The following RBM47 variants were observed in gnomAD, a reference collection of about 807,000 sequenced individuals.
RBM47 encodes the protein RNA-binding protein 47.
A neutral mutation model predicts 47.1 loss-of-function variants in RBM47; 21 were observed. That is an observed-to-expected ratio of 0.45 (90% CI 0.32 to 0.64). The LOEUF is 0.64. Ranked by LOEUF, RBM47 falls within the 30% of genes least tolerant of loss-of-function variation. RBM47 has a pLI of 0.05. For missense variants in RBM47, 708 were observed against 870.9 expected, an observed-to-expected ratio of 0.81 and a Z score of 2.35; for synonymous variants, 375 against 361.7, an observed-to-expected ratio of 1.04 and a Z score of -0.42.
intron 3 of RBM47, among the ~76,000 whole-genome samples, chr4:40,466,305 G>A (rs1461077663): frequency 7.1e-6 from 1 of 140,880 alleles, no homozygotes; most frequent in Non-Finnish European, 1.6e-5. Context: ...AAATACAGTT[G>A]ACCTCTTTTT....
At chr4:40,611,547 C>T (rs969904657) in intron 1 of RBM47, among the ~76,000 whole-genome samples, 1 of 150,202 alleles carries the variant, frequency 6.7e-6, no homozygotes, top group Non-Finnish European at 1.5e-5. Flanking sequence ...ATGGAGAAAC[C>T]CTGCCTCTAC....
chr4:40,610,483 G>A lies in RBM47; in HGVS notation c.-240+18913C>T, dbSNP rs955910348. Among the ~76,000 whole-genome samples the A allele has an allele frequency of 2.0e-5, 3 of 151,944 alleles. No individual in the cohort carries two copies. In the South Asian group the frequency reaches 6.2e-4, roughly 32 times the overall value. Reference sequence around the variant, plus strand: ...AAATTAGCCAGGCTCGGTGGCGGGTGCCTGTAGTCCCAGCTACTCAGGAGG... The same window carrying A: ...AAATTAGCCAGGCTCGGTGGCGGGTACCTGTAGTCCCAGCTACTCAGGAGG... On this transcript the variant is annotated intron_variant, in intron 1 of 6. Transcript: ENST00000295971.
chr4:40,564,530 G>A (rs1333884620), intron 1 of RBM47, among the ~76,000 whole-genome samples: 1 of 152,156 alleles, frequency 6.6e-6, no homozygotes. Flanking sequence ...GAATACATGG[G>A]GAATCTCCAA....
intron 1 of RBM47, among the ~76,000 whole-genome samples, chr4:40,588,091 G>A (rs16852375): frequency 0.05 from 7,648 of 152,264 alleles, 605 homozygotes; most frequent in African/African-American, 0.17. Flanking sequence ...ACAAAGCCAC[G>A]AGGTGTACTG....
chr4:40,517,441 A>G (rs430730), intron 2 of RBM47, among the ~76,000 whole-genome samples: 73,256 of 151,822 alleles, frequency 0.48, 19,343 homozygotes, highest in African/African-American at 0.72. Flanking sequence ...CCGACCCTCA[A>G]CTCCTTTCTA....
intron 2 of RBM47, among the ~76,000 whole-genome samples, chr4:40,507,905 A>G (rs984504878): frequency 1.3e-5 from 2 of 151,694 alleles, no homozygotes; most frequent in African/African-American, 4.9e-5. Context: ...AGAAGATAGA[A>G]AAGTCTGCAA....
At chr4:40,443,352 A>G (rs13129937) in intron 3 of RBM47, among the ~76,000 whole-genome samples, 125,564 of 152,012 alleles carry the variant, frequency 0.83, 52,403 homozygotes, top group Non-Finnish European at 0.89. Flanking sequence ...AAAAAAAAGA[A>G]AAGGTTCAGA....
At chr4:40,465,716 C>G (rs1357370402) in intron 3 of RBM47, among the ~76,000 whole-genome samples, 1 of 151,966 alleles carries the variant, frequency 6.6e-6, no homozygotes, top group East Asian at 1.9e-4. Context: ...TCACTGCAAC[C>G]TCTGCCTCCT....
chr4:40,480,180 G>A (rs933652433), intron 2 of RBM47, among the ~76,000 whole-genome samples: 1 of 152,022 alleles, frequency 6.6e-6, no homozygotes, highest in Non-Finnish European at 1.5e-5. Flanking sequence ...GTTTCACTAC[G>A]TTGGTCAGGC....
At chr4:40,551,644 C>G (rs1231679905) in intron 1 of RBM47, among the ~76,000 whole-genome samples, 1 of 143,484 alleles carries the variant, frequency 7.0e-6, no homozygotes, top group East Asian at 2.1e-4. Flanking sequence ...AAATAGCGTA[C>G]TTTTCTTTTT....
chr4:40,619,665 C>T (rs1737073737), intron 1 of RBM47, among the ~76,000 whole-genome samples: 1 of 152,190 alleles, frequency 6.6e-6, no homozygotes, highest in Non-Finnish European at 1.5e-5. Flanking sequence ...CGAAGATGGA[C>T]ATCTCCCTGC....
At chr4:40,526,067 G>A (rs73809054) in intron 2 of RBM47, among the ~76,000 whole-genome samples, 28,045 of 152,056 alleles carry the variant, frequency 0.18, 2,737 homozygotes, top group African/African-American at 0.25. Context: ...CTTAGATGAC[G>A]ATTCTCACAG....
chr4:40,611,385 A>G (rs1421358692), intron 1 of RBM47, among the ~76,000 whole-genome samples: 1 of 152,190 alleles, frequency 6.6e-6, no homozygotes, highest in Non-Finnish European at 1.5e-5. Flanking sequence ...GTATCCACTC[A>G]ATGAATAAAT....
chr4:40,620,706 T>A (rs61159259), intron 1 of RBM47, among the ~76,000 whole-genome samples: 20,307 of 151,890 alleles, frequency 0.13, 1,522 homozygotes, highest in Middle Eastern at 0.14. Flanking sequence ...CTTTAAAAAA[T>A]TTTTTTTAAT....
intron 2 of RBM47, among the ~76,000 whole-genome samples, chr4:40,522,709 A>G (rs150844256): frequency 0.012 from 1,878 of 152,156 alleles, 22 homozygotes; most frequent in African/African-American, 0.03. Flanking sequence ...AGAAGCAAAT[A>G]TGAGCATACA....
At chr4:40,595,699 C>T (rs138857704) in intron 1 of RBM47, among the ~76,000 whole-genome samples, 2 of 151,910 alleles carry the variant, frequency 1.3e-5, no homozygotes, top group East Asian at 1.9e-4. Flanking sequence ...ACCAGCCTGG[C>T]CAACATGGCG....
At chr4:40,484,634 C>G (rs1175877431) in intron 2 of RBM47, among the ~76,000 whole-genome samples, 1 of 152,192 alleles carries the variant, frequency 6.6e-6, no homozygotes, top group East Asian at 1.9e-4. Context: ...GATGACAAAT[C>G]ACTGCATAAT....
At chr4:40,508,659 G>A (rs924547366) in intron 2 of RBM47, among the ~76,000 whole-genome samples, 1 of 152,186 alleles carries the variant, frequency 6.6e-6, no homozygotes, top group Non-Finnish European at 1.5e-5. Flanking sequence ...GTAATCTATG[G>A]TGATACAAGT....
chr4:40,470,033 G>T (rs1471252245), intron 2 of RBM47, among the ~76,000 whole-genome samples: 1 of 152,222 alleles, frequency 6.6e-6, no homozygotes. Flanking sequence ...ACACAATATT[G>T]GATACTCCAG....
Sources: gnomAD v4.1 joint callset for allele counts (sites outside exome capture counted in the v4.1 genomes callset) on GRCh38, gnomAD v4.1.1 for gene constraint, MANE v1.5 for transcripts, NCBI Gene and HGNC (gene_info 2026-07-23, HGNC 2026-07-21) for gene names.